The following SNX13 variants were observed in gnomAD, a reference collection of about 807,000 sequenced individuals.
The protein encoded by SNX13 is sorting nexin-13.
SNX13 carries 45 observed loss-of-function variants against 133.6 expected under a neutral mutation model. That is an observed-to-expected ratio of 0.34 (90% CI 0.27 to 0.43). The LOEUF (loss-of-function observed/expected upper bound fraction) is 0.43. Ranked by LOEUF, SNX13 falls within the 20% of genes least tolerant of loss-of-function variation. The probability of loss-of-function intolerance (pLI) is 1.00; values close to 1 mark genes in which losing one functional copy is unlikely to be tolerated. For missense variants in SNX13, 1,032 were observed against 1,145.1 expected, an observed-to-expected ratio of 0.90 and a Z score of 1.43; for synonymous variants, 414 against 373.9, an observed-to-expected ratio of 1.11 and a Z score of -1.24.
chr7:17,843,468 G>A (rs1379786112), intron 12 of SNX13, among the ~76,000 whole-genome samples: 4 of 152,044 alleles, frequency 2.6e-5, no homozygotes, highest in Non-Finnish European at 5.9e-5. Flanking sequence ...AAAAGAGACA[G>A]TGCCACAATA....
chr7:17,901,129 G>C (rs1045992712), intron 1 of SNX13, among the ~76,000 whole-genome samples: 1 of 152,118 alleles, frequency 6.6e-6, no homozygotes. Context: ...GTAGGGCCTG[G>C]AACAGGGGCC....
chr7:17,933,029 TACTCTTG>T (rs1801579374), intron 1 of SNX13, among the ~76,000 whole-genome samples: 1 of 152,202 alleles, frequency 6.6e-6, no homozygotes, highest in African/African-American at 2.4e-5. Flanking sequence ...AAAGTAGGCA[TACTCTTG>T]TTTGGTGAAG....
chr7:17,881,835 G>T (rs530315246), intron 5 of SNX13: 1 of 152,152 alleles, frequency 6.6e-6, no homozygotes, highest in South Asian at 2.1e-4. Context: ...AATTGAATTT[G>T]GGTAAAATTG....
At chr7:17,855,504 T>C (rs910060570) in intron 9 of SNX13, among the ~76,000 whole-genome samples, 2 of 152,182 alleles carry the variant, frequency 1.3e-5, no homozygotes, top group Admixed American at 6.5e-5. Context: ...TAGTAGTGAC[T>C]CTAAGTTGAA....
chr7:17,939,825 T>TCGGGCCGAGCAACAACCCCAGGGTG (rs1357301683), intron 1 of SNX13, among the ~76,000 whole-genome samples: 3 of 152,070 alleles, frequency 2.0e-5, no homozygotes, highest in African/African-American at 7.2e-5. Context: ...AACAAACCGG[T>TCGGGCCGAGCAACAACCCCAGGGTG]CGGGCCGAGC....
chr7:17,856,493 CAT>C (rs1313285037), intron 9 of SNX13, among the ~76,000 whole-genome samples: 1 of 151,984 alleles, frequency 6.6e-6, no homozygotes, highest in Non-Finnish European at 1.5e-5. Context: ...AATTAAAAGA[CAT>C]AGAGCAGCTG....
At chr7:17,849,867 C>T (rs968897018) in intron 11 of SNX13, among the ~76,000 whole-genome samples, 1 of 152,232 alleles carries the variant, frequency 6.6e-6, no homozygotes, top group African/African-American at 2.4e-5. Context: ...CCTATCTAAA[C>T]CAGTCCAAGA....
At chr7:17,899,403 CCTAA>C (rs1227627198) in intron 1 of SNX13, 1 of 152,100 alleles carries the variant, frequency 6.6e-6, no homozygotes, top group Non-Finnish European at 1.5e-5. Context: ...ATTTTCTACG[CCTAA>C]CTCTCTCTCT....
At chr7:17,814,563 G>A (rs1317279578) in intron 20 of SNX13, among the ~76,000 whole-genome samples, 1 of 151,870 alleles carries the variant, frequency 6.6e-6, no homozygotes, top group East Asian at 1.9e-4. Flanking sequence ...ATAACGAAAA[G>A]CTTGTGACTT....
intron 1 of SNX13, among the ~76,000 whole-genome samples, chr7:17,935,231 T>C (rs1218345563): frequency 2.6e-5 from 4 of 152,134 alleles, no homozygotes; most frequent in Non-Finnish European, 4.4e-5. Flanking sequence ...TGAACGAACA[T>C]GGAGAACATC....
intron 5 of SNX13, among the ~76,000 whole-genome samples, chr7:17,884,640 T>C (rs1205761169): frequency 1.3e-5 from 2 of 152,170 alleles, no homozygotes; most frequent in African/African-American, 4.8e-5. Flanking sequence ...TATGCTCCCA[T>C]TGGGTCTATG....
intron 15 of SNX13, among the ~76,000 whole-genome samples, chr7:17,833,751 T>G (rs534057116): frequency 6.6e-6 from 1 of 151,712 alleles, no homozygotes; most frequent in African/African-American, 2.4e-5. Flanking sequence ...ATCATGAATA[T>G]TGTTACTTAC....
intron 7 of SNX13, among the ~76,000 whole-genome samples, chr7:17,873,928 C>T (rs779025101): frequency 6.6e-5 from 10 of 152,056 alleles, no homozygotes; most frequent in African/African-American, 1.2e-4. Context: ...GTAATTCTAC[C>T]ACACGTTAAT....
At position 17,875,654 on chromosome 7, in the gene SNX13, G is replaced by C. The variant is rs1384939222; in HGVS notation, c.562+15C>G. On this transcript the variant is annotated intron_variant, in intron 6 of 25. Transcript: ENST00000428135. ...ATTTTCAAATCCTAGTTTTCAAATG[G>C]AATAAAGATATTACCTTTCACTTGA... 1 of 1,607,982 alleles carries C rather than the reference G, an allele frequency of 6.2e-7. No individual in the cohort carries two copies. The highest frequency in any genetic ancestry group is 8.5e-7 in the Non-Finnish European group (1 of 1,177,186).
intron 8 of SNX13, among the ~76,000 whole-genome samples, chr7:17,872,572 C>G (rs1466423069): frequency 1.3e-5 from 2 of 152,166 alleles, no homozygotes; most frequent in African/African-American, 4.8e-5. Context: ...TATCAGGCTC[C>G]TCCCATCAAA....
At chr7:17,887,101 A>G (rs1053297763) in intron 5 of SNX13, among the ~76,000 whole-genome samples, 6 of 152,216 alleles carry the variant, frequency 3.9e-5, no homozygotes, top group Admixed American at 3.9e-4. Context: ...TTATAGAGGC[A>G]CAGAGTCAAG....
chr7:17,853,466 A>T (rs1385953586), intron 9 of SNX13, among the ~76,000 whole-genome samples: 1 of 152,244 alleles, frequency 6.6e-6, no homozygotes. Flanking sequence ...CATAGAGGGG[A>T]TCAATTATAC....
intron 20 of SNX13, 91 bp from the exon 21 acceptor site, chr7:17,803,671 G>C: frequency 9.1e-7 from 1 of 1,102,196 alleles, no homozygotes; most frequent in Non-Finnish European, 1.3e-6. Context: ...GTGCAACACT[G>C]GAAAGATGCA....
intron 9 of SNX13, among the ~76,000 whole-genome samples, chr7:17,852,250 T>C (rs1303465119): frequency 6.6e-6 from 1 of 152,148 alleles, no homozygotes; most frequent in Non-Finnish European, 1.5e-5. Context: ...GGCAGGTGCC[T>C]GTAATCCCAG....
Sources: allele counts gnomAD v4.1 joint callset (sites outside exome capture counted in the v4.1 genomes callset), GRCh38; gene constraint gnomAD v4.1.1; transcripts MANE v1.5; gene names NCBI Gene and HGNC (gene_info 2026-07-23, HGNC 2026-07-21).